STAT5B: variants seen among roughly 807,000 people sequenced by gnomAD.
STAT5B encodes the protein transcription factor STAT5B.
In STAT5B, 21 loss-of-function variants were observed where a neutral mutation model predicts 107.8. That is an observed-to-expected ratio of 0.19 (90% CI 0.14 to 0.28). The LOEUF is 0.28. STAT5B is among the 10% of genes least tolerant of loss of function. STAT5B has a pLI of 1.00. For missense variants in STAT5B, 565 were observed against 1,008.2 expected, an observed-to-expected ratio of 0.56 and a Z score of 5.95; for synonymous variants, 325 against 401.7, an observed-to-expected ratio of 0.81 and a Z score of 2.28.
chr17:42,241,568 G>A (rs1401020682), intron 1 of STAT5B, among the ~76,000 whole-genome samples: 6 of 151,420 alleles, frequency 4.0e-5, no homozygotes, highest in African/African-American at 1.5e-4. Flanking sequence ...TTAGCCTCCT[G>A]AGTAGCTGGA....
At chr17:42,227,136 A>AAATAAAT (rs2080280084) in intron 3 of STAT5B, among the ~76,000 whole-genome samples, 2 of 132,222 alleles carry the variant, frequency 1.5e-5, no homozygotes, top group African/African-American at 5.7e-5. Flanking sequence ...CTCCGTCTCA[A>AAATAAAT]AAATAAATAA....
At chr17:42,277,166 G>C (rs1177549456), upstream of STAT5B, among the ~76,000 whole-genome samples, 1 of 152,206 alleles carries the variant, frequency 6.6e-6, no homozygotes, top group Non-Finnish European at 1.5e-5. Context: ...CTGAGGAGGG[G>C]GTTGCGGTTG....
Position 42,200,563 on chromosome 17 carries a change from G to A in STAT5B, c.*1175C>T, listed in dbSNP as rs78682061. On this transcript the variant is annotated 3_prime_UTR_variant, in exon 19 of 19. Transcript: ENST00000293328. ...CCAGGACTTCACAGCAGGGTGACCCGCTAAGCAAGCTGGCCTAGGTTCAGC... is the reference window on the plus strand; with the variant it reads ...CCAGGACTTCACAGCAGGGTGACCCACTAAGCAAGCTGGCCTAGGTTCAGC... The A allele has an allele frequency of 0.03, 4,604 of 153,074 alleles. 230 individuals carry two copies. Among genetic ancestry groups the A allele is most frequent in the African/African-American group, 0.1 (4,267 of 41,516 alleles). The allele number at this position is 153,074 out of a possible 1,614,324, so 9.5% of individuals were successfully genotyped here.
chr17:42,214,580 A>G (rs2080155477), intron 12 of STAT5B: 15 of 985,428 alleles, frequency 1.5e-5, no homozygotes, highest in Non-Finnish European at 1.7e-5. Flanking sequence ...TGAGCTGTTG[A>G]ACTAACAGTC....
chr17:42,217,051 C>A, intron 11 of STAT5B, 109 bp downstream of exon 11: 2 of 1,530,826 alleles, frequency 1.3e-6, no homozygotes, highest in South Asian at 2.4e-5. Flanking sequence ...AGTTTACCAA[C>A]AGTCAAAAAG....
At chr17:42,255,529 G>A (rs1315085417) in intron 1 of STAT5B, among the ~76,000 whole-genome samples, 1 of 152,140 alleles carries the variant, frequency 6.6e-6, no homozygotes, top group East Asian at 1.9e-4. Context: ...AAAGAATTAT[G>A]TTGCAAAAAA....
chr17:42,254,346 CTCTG>C, intron 1 of STAT5B, among the ~76,000 whole-genome samples: 1 of 152,318 alleles, frequency 6.6e-6, no homozygotes, highest in African/African-American at 2.4e-5. Flanking sequence ...CACCACTGCA[CTCTG>C]TCTCTTAAAA....
chr17:42,246,405 T>A (rs865787169), intron 1 of STAT5B, among the ~76,000 whole-genome samples: 34 of 152,156 alleles, frequency 2.2e-4, no homozygotes, highest in East Asian at 5.8e-4. Flanking sequence ...TATAAAAAAA[T>A]TTTTTTTAAA....
upstream of STAT5B, among the ~76,000 whole-genome samples, chr17:42,278,349 T>C (rs372024399): frequency 3.3e-5 from 5 of 152,278 alleles, no homozygotes; most frequent in African/African-American, 7.2e-5. Flanking sequence ...ATAAATATTT[T>C]TGGAACAAAT....
chr17:42,262,970 G>GTGTGTGTA (rs2080626695), intron 1 of STAT5B, among the ~76,000 whole-genome samples: 3 of 20,946 alleles, frequency 1.4e-4, no homozygotes, highest in East Asian at 1.5e-3. Flanking sequence ...GTGTGTGTGT[G>GTGTGTGTA]TATATATATA....
At chr17:42,262,900 A>ATGTGTGTG (rs1185432285) in intron 1 of STAT5B, among the ~76,000 whole-genome samples, 8 of 124,584 alleles carry the variant, frequency 6.4e-5, no homozygotes, top group African/African-American at 2.4e-4. Flanking sequence ...ATGTGTGTAT[A>ATGTGTGTG]TATATGTGTA....
intron 11 of STAT5B, among the ~76,000 whole-genome samples, chr17:42,216,810 TG>T (rs2080175810): frequency 6.6e-6 from 1 of 151,862 alleles, no homozygotes; most frequent in South Asian, 2.1e-4. Context: ...CCTGAGTAGC[TG>T]GGATTATAGG....
At chr17:42,207,521 A>T (rs775996147) in intron 16 of STAT5B, 37 bp downstream of exon 16, 1 of 1,598,450 alleles carries the variant, frequency 6.3e-7, no homozygotes, top group South Asian at 1.1e-5. Context: ...ACACACACAC[A>T]CACAACAAAA....
intron 1 of STAT5B, among the ~76,000 whole-genome samples, chr17:42,232,840 GTTTTTTTT>G (rs931007817): frequency 1.5e-5 from 2 of 133,336 alleles, no homozygotes; most frequent in Admixed American, 1.5e-4. Context: ...TTAGCAGAGA[GTTTTTTTT>G]TTTTTTTTTT....
chr17:42,223,597 G>A (rs2080249140), intron 4 of STAT5B, 41 bp from the exon 5 acceptor site: 3 of 1,605,656 alleles, frequency 1.9e-6, no homozygotes, highest in Non-Finnish European at 2.6e-6. Context: ...GTGCGAATGG[G>A]AGGAAGACTG....
intron 12 of STAT5B, 118 bp downstream of exon 12, chr17:42,215,896 A>G (rs2080167560): frequency 8.6e-7 from 1 of 1,161,238 alleles, no homozygotes; most frequent in African/African-American, 1.5e-5. Context: ...TGCTGGGATT[A>G]CAAGTGTGAG....
At chr17:42,221,600 T>G (rs1372986232) in intron 5 of STAT5B, among the ~76,000 whole-genome samples, 1 of 152,120 alleles carries the variant, frequency 6.6e-6, no homozygotes, top group Non-Finnish European at 1.5e-5. Context: ...TCTAAGGACT[T>G]GGGTAGGAAT....
At chr17:42,280,109 A>G (rs1174344533), upstream of STAT5B, among the ~76,000 whole-genome samples, 1 of 152,026 alleles carries the variant, frequency 6.6e-6, no homozygotes, top group Non-Finnish European at 1.5e-5. Flanking sequence ...ACATGACAGA[A>G]AGAAAGAAAC....
intron 7 of STAT5B, 71 bp downstream of exon 7, chr17:42,219,241 C>G (rs947794325): frequency 1.9e-6 from 3 of 1,556,394 alleles, no homozygotes; most frequent in Non-Finnish European, 2.6e-6. Flanking sequence ...GGAGCCAGCA[C>G]AGGACGCAGA....
Sources: allele counts gnomAD v4.1 joint callset (sites outside exome capture counted in the v4.1 genomes callset), GRCh38; gene constraint gnomAD v4.1.1; transcripts MANE v1.5; gene names NCBI Gene and HGNC (gene_info 2026-07-23, HGNC 2026-07-21).